Variants in HORMAD2 observed in about 807,000 individuals in gnomAD.
The protein encoded by HORMAD2 is HORMA domain containing 2, also known as HORMA domain-containing protein 2.
HORMAD2 carries 45 observed loss-of-function variants against 38.8 expected under a neutral mutation model. The observed-to-expected ratio is 1.16, with a 90% CI of 0.91 to 1.49. The LOEUF is 1.49. HORMAD2 is among the 40% of genes most tolerant of loss of function. The pLI is 0.00. For synonymous variants in HORMAD2, 126 were observed against 122.8 expected (o/e 1.03, Z -0.17); for missense variants, 338 against 367.0 (o/e 0.92, Z 0.65).
chr22:30,194,968 G>A, the HORMAD2 span, among the ~76,000 whole-genome samples: 2 of 152,058 alleles, frequency 1.3e-5, no homozygotes, highest in African/African-American at 2.4e-5. Flanking sequence ...CGAGGCGGGT[G>A]GATTATGAGG....
Position 30,176,222 on chromosome 22 carries a change from T to C in HORMAD2, c.*55T>C. The C allele has an allele frequency of 8.6e-7, 1 of 1,169,326 alleles. No homozygotes were observed. Among genetic ancestry groups the C allele is most frequent in the African/African-American group, 1.5e-5 (1 of 65,212 alleles). The allele number at this position is 1,169,326 out of a possible 1,614,324, so 72.4% of individuals were successfully genotyped here. A position where few individuals can be genotyped will look rare whatever the true frequency, so the allele number is the denominator to read the frequency against. Reference sequence around the variant, plus strand: ...AAAATAAGTTTATTTTGTAAAAACATGCATAAACTGTCTTAGCAGGAAAGT... The same window carrying C: ...AAAATAAGTTTATTTTGTAAAAACACGCATAAACTGTCTTAGCAGGAAAGT... On this transcript the variant is annotated 3_prime_UTR_variant, in exon 11 of 11. Transcript: ENST00000336726.
the HORMAD2 span, among the ~76,000 whole-genome samples, chr22:30,206,211 G>C: frequency 6.6e-6 from 1 of 151,968 alleles, no homozygotes; most frequent in Admixed American, 6.6e-5. Context: ...CTGTCACCCA[G>C]GCTGGAGTGC....
At chr22:30,200,298 TG>T in the HORMAD2 span, among the ~76,000 whole-genome samples, 1 of 152,176 alleles carries the variant, frequency 6.6e-6, no homozygotes, top group African/African-American at 2.4e-5. Flanking sequence ...CAAGTTAATT[TG>T]GGAGTAAACA....
chr22:30,182,794 T>A, the HORMAD2 span, among the ~76,000 whole-genome samples: 3 of 152,204 alleles, frequency 2.0e-5, no homozygotes, highest in African/African-American at 4.8e-5. Context: ...ATAAAATATG[T>A]GTTGAATGAA....
At chr22:30,121,506 TAA>T (rs1161792577) in intron 8 of HORMAD2, 124 bp from the exon 9 acceptor site, 2 of 733,968 alleles carry the variant, frequency 2.7e-6, no homozygotes, top group South Asian at 7.5e-5. Context: ...ATTTACATTC[TAA>T]AAAAGTCTCA....
At chr22:30,103,318 A>G (rs1569087306) in intron 3 of HORMAD2, 119 bp from the exon 4 acceptor site, 10 of 654,514 alleles carry the variant, frequency 1.5e-5, no homozygotes, top group Middle Eastern at 4.2e-4. Context: ...TTTATAAGCT[A>G]TAAAACTAAA....
chr22:30,112,709 A>G (rs992117152), intron 7 of HORMAD2, among the ~76,000 whole-genome samples, 187 bp downstream of exon 7: 8 of 152,086 alleles, frequency 5.3e-5, no homozygotes, highest in Non-Finnish European at 7.4e-5. Flanking sequence ...TTCAAAAACT[A>G]TGTAAGGGTA....
Position 30,122,156 on chromosome 22 carries a change from C to G in HORMAD2, c.761C>G (p.Thr254Ser). 1.9e-6 allele frequency: 3 copies of G among 1,613,460 alleles called. No individual in the cohort carries two copies. Among genetic ancestry groups the G allele is most frequent in the Non-Finnish European group, 2.5e-6 (3 of 1,179,608 alleles). Reference sequence around the variant, plus strand: ...AACAATCTGTTTCGGGAGAACAGCACTACTGAGATCGCCCATCAGGGTCTA... The same window carrying G: ...AACAATCTGTTTCGGGAGAACAGCAGTACTGAGATCGCCCATCAGGGTCTA... ...LENNLFRENS[T>S]TEIAHQGLDC... Residue 254 changes from threonine (T) to serine (S), a missense_variant, in exon 10 of 11, where the codon ACT (threonine) becomes AGT (serine). Transcript: ENST00000336726.
intron 1 of HORMAD2, among the ~76,000 whole-genome samples, chr22:30,088,270 TAC>T (rs1334836398): frequency 6.6e-6 from 1 of 150,516 alleles, no homozygotes; most frequent in African/African-American, 2.4e-5. Flanking sequence ...TATACATATA[TAC>T]ACACATATAT....
At chr22:30,114,336 TA>T (rs1457656426) in intron 7 of HORMAD2, among the ~76,000 whole-genome samples, 1 of 152,206 alleles carries the variant, frequency 6.6e-6, no homozygotes, top group Non-Finnish European at 1.5e-5. Context: ...TGGGTAATAC[TA>T]AAACACTCAA....
chr22:30,134,271 T>G (rs1309139073), intron 10 of HORMAD2, among the ~76,000 whole-genome samples: 1 of 151,532 alleles, frequency 6.6e-6, no homozygotes, highest in African/African-American at 2.4e-5. Flanking sequence ...TTGTGGCGGA[T>G]GCTTGTAATC....
At position 30,164,315 on chromosome 22, in the gene HORMAD2, A is replaced by G. The variant is rs1925642944; in HGVS notation, c.820-11748A>G. On this transcript the variant is annotated intron_variant, in intron 10 of 10. Transcript: ENST00000336726. ...TTTCAGTCCTTTTGGATATGTACCCAGCAGTGGAATTGCTGGATAATATGG... is the reference window on the plus strand; with the variant it reads ...TTTCAGTCCTTTTGGATATGTACCCGGCAGTGGAATTGCTGGATAATATGG... Among the ~76,000 whole-genome samples the G allele has an allele frequency of 2.6e-5, 4 of 152,220 alleles. No individual in the cohort carries two copies. In the South Asian group the frequency reaches 6.2e-4, roughly 24 times the overall value.
chr22:30,141,205 C>T (rs567169978), intron 10 of HORMAD2, among the ~76,000 whole-genome samples: 115 of 152,124 alleles, frequency 7.6e-4, no homozygotes, highest in African/African-American at 2.7e-3. Context: ...ACCATGTTGG[C>T]CAGGCTTGTC....
chr22:30,174,276 C>T (rs1176651808), intron 10 of HORMAD2, among the ~76,000 whole-genome samples: 1 of 152,158 alleles, frequency 6.6e-6, no homozygotes, highest in African/African-American at 2.4e-5. Context: ...TGATGAGTGG[C>T]CTTTTGCTTG....
the HORMAD2 span, among the ~76,000 whole-genome samples, chr22:30,192,677 GA>G: frequency 1.4e-4 from 22 of 152,262 alleles, no homozygotes; most frequent in African/African-American, 5.3e-4. Flanking sequence ...TGATTGGCTG[GA>G]ATTTGGTCTT....
At chr22:30,204,936 G>A in the HORMAD2 span, among the ~76,000 whole-genome samples, 3 of 152,192 alleles carry the variant, frequency 2.0e-5, no homozygotes, top group Non-Finnish European at 4.4e-5. Context: ...TGGAGCAGAC[G>A]CCGTGGGACT....
At chr22:30,085,677 C>A (rs892631953) in intron 1 of HORMAD2, among the ~76,000 whole-genome samples, 2 of 152,172 alleles carry the variant, frequency 1.3e-5, no homozygotes, top group African/African-American at 4.8e-5. Flanking sequence ...TGGCTTGAAC[C>A]CTGGAAACAG....
intron 5 of HORMAD2, among the ~76,000 whole-genome samples, chr22:30,106,778 G>C (rs1921232935): frequency 6.6e-6 from 1 of 152,138 alleles, no homozygotes; most frequent in South Asian, 2.1e-4. Flanking sequence ...ATATAAGATG[G>C]GGATAATAAT....
At chr22:30,094,678 T>A (rs945461163) in intron 2 of HORMAD2, among the ~76,000 whole-genome samples, 4 of 152,178 alleles carry the variant, frequency 2.6e-5, no homozygotes, top group African/African-American at 9.7e-5. Flanking sequence ...ATTTAGAGAT[T>A]TCATGTGGAC....
Sources: gnomAD v4.1 joint callset for allele counts (sites outside exome capture counted in the v4.1 genomes callset) on GRCh38, gnomAD v4.1.1 for gene constraint, MANE v1.5 for transcripts, NCBI Gene and HGNC (gene_info 2026-07-23, HGNC 2026-07-21) for gene names.